SPG11: variants seen among roughly 807,000 people sequenced by gnomAD.
SPG11 encodes the protein spatacsin.
A neutral mutation model predicts 274.0 loss-of-function variants in SPG11; 222 were observed. That is an observed-to-expected ratio of 0.81 (90% CI 0.73 to 0.91). The LOEUF is 0.91. Among genes scored for constraint, SPG11 ranks in the 40% least tolerant of loss-of-function variants. The probability of loss-of-function intolerance (pLI) is 0.00; values close to 1 mark genes in which losing one functional copy is unlikely to be tolerated. For missense variants in SPG11, 3,114 were observed against 2,872.7 expected (o/e 1.08, Z -1.92); for synonymous variants, 1,144 against 1,039.7 (o/e 1.10, Z -1.93).
chr15:44,646,417 G>A (rs1023579698), intron 7 of SPG11, among the ~76,000 whole-genome samples: 1 of 152,164 alleles, frequency 6.6e-6, no homozygotes, highest in African/African-American at 2.4e-5. Flanking sequence ...TTACATGGTG[G>A]CAGAGAGAGT....
At chr15:44,662,701 GGGCGT>G (rs1220625822) in intron 1 of SPG11, among the ~76,000 whole-genome samples, 3 of 149,046 alleles carry the variant, frequency 2.0e-5, no homozygotes, top group Non-Finnish European at 3.0e-5. Context: ...AACACTAAGA[GGGCGT>G]TCCCAAACTT....
chr15:44,634,625 C>T (rs1028417221), intron 7 of SPG11, among the ~76,000 whole-genome samples: 13 of 151,672 alleles, frequency 8.6e-5, no homozygotes, highest in Middle Eastern at 3.2e-3. Context: ...CTTGCTCTGT[C>T]GCCCAGGCTG....
intron 28 of SPG11, 29 bp downstream of exon 28, chr15:44,589,223 T>G (rs1224350349): frequency 1.9e-6 from 3 of 1,611,694 alleles, no homozygotes; most frequent in Non-Finnish European, 2.5e-6. Context: ...AACTTCTTAA[T>G]AGCAACTTAA....
intron 2 of SPG11, 27 bp downstream of exon 2, chr15:44,660,405 G>A (rs768997223): frequency 1.2e-6 from 2 of 1,602,486 alleles, no homozygotes; most frequent in South Asian, 1.1e-5. Flanking sequence ...ATTTAAATAT[G>A]CTGAAAGACC....
chr15:44,567,997 T>G (rs547824958), intron 35 of SPG11, among the ~76,000 whole-genome samples: 4 of 152,216 alleles, frequency 2.6e-5, no homozygotes, highest in African/African-American at 9.6e-5. Flanking sequence ...TTAAAACTTA[T>G]GTAGGAGGAT....
At chr15:44,563,888 T>A in intron 39 of SPG11, among the ~76,000 whole-genome samples, 1 of 152,248 alleles carries the variant, frequency 6.6e-6, no homozygotes, top group Non-Finnish European at 1.5e-5. Flanking sequence ...TATCTCAGAC[T>A]AGTATTAGGG....
At chr15:44,571,429 C>T (rs2082421023) in intron 33 of SPG11, among the ~76,000 whole-genome samples, 2 of 151,964 alleles carry the variant, frequency 1.3e-5, no homozygotes, top group Non-Finnish European at 2.9e-5. Flanking sequence ...AAAGTTGGCA[C>T]TCAGTAAATA....
At position 44,621,819 on chromosome 15, in the gene SPG11, C is replaced by T. The variant is rs144804884; in HGVS notation, c.2560G>A (p.Ala854Thr). Reference sequence around the variant, plus strand: ...TGTGTTAGTTGATCCCACCACAGAGCCCAATTTAACACAATTCTATGGTCC... The same window carrying T: ...TGTGTTAGTTGATCCCACCACAGAGTCCAATTTAACACAATTCTATGGTCC... ...KQDHRIVLNWALWWDQLTQES... is the reference protein window; with the variant it reads ...KQDHRIVLNWTLWWDQLTQES... Residue 854 changes from alanine (A) to threonine (T), a missense_variant, in exon 14 of 40, where the codon GCT (alanine) becomes ACT (threonine). Coordinates refer to ENST00000261866, the MANE Select transcript of SPG11 (RefSeq NM_025137.4). 3.5e-5 allele frequency: 57 copies of T among 1,613,844 alleles called. No homozygotes were observed. The African/African-American group carries it at 5.6e-4, about 16-fold the overall frequency.
At chr15:44,585,943 G>C (rs1229563334) in intron 28 of SPG11, 93 bp from the exon 29 acceptor site, 2 of 787,416 alleles carry the variant, frequency 2.5e-6, no homozygotes, top group East Asian at 3.3e-5. Context: ...AAATATACGT[G>C]TTTAACATAG....
At position 44,596,272 on chromosome 15, in the gene SPG11, G is replaced by T. The variant is rs1305666768; in HGVS notation, c.4245C>A (p.Thr1415=). 1 of 1,614,168 alleles carries T rather than the reference G, an allele frequency of 6.2e-7. No individual in the cohort carries two copies. Among genetic ancestry groups the T allele is most frequent in the Admixed American group, 1.7e-5 (1 of 60,018 alleles). ...AGACTTGATCGCTGTCCATTTTGGA[G>T]GTGGGCACTGAGGGCAAGTTCTCAA... ...LAFENLPSVP[T]SKMDSDQVCN... is the part of the protein sequence containing the mutation. The change falls in exon 25 of 40, where the codon ACC becomes ACA. Residue 1415 remains threonine, a synonymous_variant. Transcript: ENST00000261866.
At chr15:44,571,189 A>G (rs939363556) in intron 33 of SPG11, among the ~76,000 whole-genome samples, 1 of 152,200 alleles carries the variant, frequency 6.6e-6, no homozygotes, top group Non-Finnish European at 1.5e-5. Context: ...AAGGTTCTCC[A>G]TCCTTAAAAC....
In SPG11 at chr15:44,598,298, G is replaced by GT; in HGVS notation, c.3967dup (p.Thr1323AsnfsTer16). On this transcript the variant is annotated frameshift_variant, in exon 23 of 40. Transcript: ENST00000261866. LOFTEE classifies it high-confidence loss of function. ...TTCCTGTTGCTGAATGCTGTTCCATGTACCTTCTTCTAAGAGAACAAGCAA... is the reference window on the plus strand; with the variant it reads ...TTCCTGTTGCTGAATGCTGTTCCATGTTACCTTCTTCTAAGAGAACAAGCAA... The GT allele has an allele frequency of 6.2e-7, 1 of 1,613,914 alleles. No homozygotes were observed. Among genetic ancestry groups the GT allele is most frequent in the South Asian group, 1.1e-5 (1 of 91,078 alleles).
At chr15:44,569,960 G>A (rs979745748) in intron 34 of SPG11, among the ~76,000 whole-genome samples, 24 of 152,018 alleles carry the variant, frequency 1.6e-4, no homozygotes, top group Admixed American at 1.5e-3. Flanking sequence ...CGCCTGCCTC[G>A]GCCTCCCAAA....
At chr15:44,628,536 C>T (rs2083966357) in intron 10 of SPG11, 133 bp downstream of exon 10, 1 of 846,316 alleles carries the variant, frequency 1.2e-6, no homozygotes, top group Non-Finnish European at 1.9e-6. Flanking sequence ...AATCCCCAAA[C>T]CGATAAAACC....
intron 27 of SPG11, chr15:44,590,348 A>C (rs767145358): frequency 6.6e-6 from 1 of 152,200 alleles, no homozygotes; most frequent in Non-Finnish European, 1.5e-5. Context: ...CATTTCTACA[A>C]GTAGGTGTGG....
At chr15:44,620,605 A>G in intron 14 of SPG11, 5 of 528,264 alleles carry the variant, frequency 9.5e-6, no homozygotes, top group Middle Eastern at 5.2e-4. Context: ...GCAGTGGTGC[A>G]CTCGTGGCAG....
At chr15:44,569,534 G>C in intron 34 of SPG11, 29 bp from the exon 35 acceptor site, 1 of 1,510,200 alleles carries the variant, frequency 6.6e-7, no homozygotes, top group Non-Finnish European at 9.0e-7. Flanking sequence ...GCTCGCATCA[G>C]CATCACCTGG....
At chr15:44,644,760 A>T (rs2084557719) in intron 7 of SPG11, among the ~76,000 whole-genome samples, 1 of 152,214 alleles carries the variant, frequency 6.6e-6, no homozygotes, top group African/African-American at 2.4e-5. Context: ...AAAAAAAGTC[A>T]GCAGCATTTC....
At chr15:44,635,907 A>C (rs2141063228) in intron 7 of SPG11, among the ~76,000 whole-genome samples, 1 of 150,108 alleles carries the variant, frequency 6.7e-6, no homozygotes, top group Non-Finnish European at 1.5e-5. Context: ...ACAGAGTGAG[A>C]CTCCACCTAT....
Sources: gnomAD v4.1 joint callset for allele counts (sites outside exome capture counted in the v4.1 genomes callset) on GRCh38, gnomAD v4.1.1 for gene constraint, MANE v1.5 for transcripts, NCBI Gene and HGNC (gene_info 2026-07-23, HGNC 2026-07-21) for gene names.